Variants in PABIR3 observed in about 807,000 individuals in gnomAD.
PABIR3 encodes the protein PABIR family member 3, also known as PABIR family member 1.
A neutral mutation model predicts 23.1 loss-of-function variants in PABIR3; 20 were observed. That is an observed-to-expected ratio of 0.86 (90% CI 0.61 to 1.26). The LOEUF (loss-of-function observed/expected upper bound fraction) is 1.26, where lower values mean the gene tolerates loss of function less well. Among genes scored for constraint, PABIR3 ranks in the 50% most tolerant of loss-of-function variants. PABIR3 has a pLI of 0.00. For missense variants in PABIR3, 189 were observed against 195.4 expected (o/e 0.97, Z 0.20); for synonymous variants, 69 against 68.5 (o/e 1.01, Z -0.04).
At chrX:134,822,446 C>A (rs2081333955) in intron 3 of PABIR3, 23 of 749,203 alleles carry the variant, frequency 3.1e-5, no homozygotes, top group Non-Finnish European at 3.5e-5. Context: ...ATTCTTGTAG[C>A]TTATGATTCT....
chrX:134,829,390 AT>A, intron 4 of PABIR3, 108 bp downstream of exon 4: 1 of 623,600 alleles, frequency 1.6e-6, no homozygotes, highest in Non-Finnish European at 2.4e-6. Flanking sequence ...CACGTGTAAT[AT>A]TAAGTTTTTA....
chrX:134,840,191 A>G (rs1343627151), intron 4 of PABIR3, among the ~76,000 whole-genome samples: 1 of 110,774 alleles, frequency 9.0e-6, no homozygotes, highest in Non-Finnish European at 1.9e-5. Context: ...ACCACTCCCT[A>G]TTCTCAAGTA....
rs182492389 is a variant in PABIR3, at chrX:134,846,173, A to G, written c.345+772A>G. Among the ~76,000 whole-genome samples the G allele has an allele frequency of 2.7e-5, 3 of 111,439 alleles. No individual in the cohort carries two copies. In the Admixed American group the frequency reaches 2.9e-4, roughly 11 times the overall value. On this transcript the variant is annotated intron_variant, in intron 6 of 10. Transcript: ENST00000645433. Reference sequence around the variant, plus strand: ...AGCAGGGGAAATTCCAGATGCTTATAAAGCCGTCAAATCTCGTGAGAACTC... The same window carrying G: ...AGCAGGGGAAATTCCAGATGCTTATGAAGCCGTCAAATCTCGTGAGAACTC...
In PABIR3 at chrX:134,839,799, G is replaced by A. The variant is rs1301992717; in HGVS notation, c.247-5406G>A. 5.7e-5 allele frequency among the ~76,000 whole-genome samples: 6 copies of A among 105,243 alleles called. No homozygotes were observed. In the South Asian group the frequency reaches 1.7e-3, roughly 30 times the overall value. The allele number at this position is 105,243 out of a possible 115,157, so 91.4% of individuals were successfully genotyped here. ...CGGGAGGTGAGGGGCGCCTCTGCCC[G>A]GCCGCCCCTACTGGGAAGTGAGGAG... On this transcript the variant is annotated intron_variant, in intron 4 of 10. Coordinates refer to ENST00000645433, the MANE Select transcript of PABIR3 (RefSeq NM_001388447.1).
intron 4 of PABIR3, among the ~76,000 whole-genome samples, chrX:134,843,918 C>CTTTTTTT (rs1196514400): frequency 2.1e-4 from 14 of 66,029 alleles, no homozygotes; most frequent in African/African-American, 4.1e-4. Flanking sequence ...TATGCATGTT[C>CTTTTTTT]TTTTTTTTTT....
chrX:134,828,045 CTCTATATATA>C (rs2081592102), intron 3 of PABIR3, among the ~76,000 whole-genome samples: 1 of 59,262 alleles, frequency 1.7e-5, no homozygotes, highest in African/African-American at 6.5e-5. Context: ...CTCTCTCTCT[CTCTATATATA>C]TATATATATA....
chrX:134,821,244 TAAAAAAAA>T (rs34486506), intron 3 of PABIR3: 23 of 568,636 alleles, frequency 4.0e-5, no homozygotes, highest in Non-Finnish European at 5.4e-5. Context: ...CCAAGCATTG[TAAAAAAAA>T]AAAAAAAAAA....
chrX:134,851,761 A>G (rs1250245810), intron 9 of PABIR3, among the ~76,000 whole-genome samples: 2 of 111,825 alleles, frequency 1.8e-5, no homozygotes, highest in Non-Finnish European at 3.8e-5. Context: ...TAATCTGGCA[A>G]GGCACGGGAC....
At position 134,807,253 on chromosome X, in the gene PABIR3, C is replaced by T. The variant is rs1175296273; in HGVS notation, c.-148C>T. ...GTAGTTTTTGTTTTGGCCGGAAAGGCTTACCATGAGTTGCCAGGGCTGAGA... is the reference window on the plus strand; with the variant it reads ...GTAGTTTTTGTTTTGGCCGGAAAGGTTTACCATGAGTTGCCAGGGCTGAGA... On this transcript the variant is annotated 5_prime_UTR_variant, in exon 1 of 11. Coordinates refer to ENST00000645433, the MANE Select transcript of PABIR3 (RefSeq NM_001388447.1). The T allele has an allele frequency of 2.5e-5, 22 of 890,426 alleles. No individual in the cohort carries two copies. The highest frequency in any genetic ancestry group is 2.9e-5 in the Non-Finnish European group (21 of 726,577). 73.4% of individuals were successfully genotyped at this position (890,426 alleles called of 1,213,427 possible). A position where few individuals can be genotyped will look rare whatever the true frequency, so the allele number is the denominator to read the frequency against.
intron 2 of PABIR3, 148 bp downstream of exon 2, chrX:134,807,856 C>G (rs1464208381): frequency 1.6e-6 from 1 of 606,594 alleles, no homozygotes; most frequent in Non-Finnish European, 2.4e-6. Context: ...CACCCTCAAC[C>G]TTGGGTGGGG....
At chrX:134,850,111 G>C (rs942276624) in intron 9 of PABIR3, among the ~76,000 whole-genome samples, 1 of 108,909 alleles carries the variant, frequency 9.2e-6, no homozygotes, top group Non-Finnish European at 1.9e-5. Flanking sequence ...CTGACCTCAG[G>C]TGATCCACCC....
chrX:134,834,049 G>C (rs1228237566), intron 4 of PABIR3: 2 of 111,677 alleles, frequency 1.8e-5, no homozygotes, highest in Non-Finnish European at 3.8e-5. Context: ...GGGATTTCTG[G>C]GTCAAATGAT....
At chrX:134,798,426 C>T (rs761926874) in intron 1 of PABIR3, among the ~76,000 whole-genome samples, 2 of 112,257 alleles carry the variant, frequency 1.8e-5, no homozygotes, top group South Asian at 7.4e-4. Flanking sequence ...GGTCATGCTG[C>T]TGGGGCCACT....
At chrX:134,842,469 G>A (rs773498832) in intron 4 of PABIR3, among the ~76,000 whole-genome samples, 1 of 111,002 alleles carries the variant, frequency 9.0e-6, no homozygotes, top group South Asian at 3.8e-4. Flanking sequence ...TTAGCTGGGC[G>A]TGGTGGTGGG....
chrX:134,806,042 C>T (rs188923146), upstream of PABIR3, among the ~76,000 whole-genome samples: 1 of 112,221 alleles, frequency 8.9e-6, no homozygotes, highest in Non-Finnish European at 1.9e-5. Context: ...AAATTATTAG[C>T]ATGGAGTTAA....
chrX:134,814,966 G>T (rs998903567), intron 3 of PABIR3, 117 bp downstream of exon 3: 32 of 533,905 alleles, frequency 6.0e-5, no homozygotes, highest in Middle Eastern at 3.5e-4. Flanking sequence ...GATGGCCAGC[G>T]GGAGTCTCAC....
chrX:134,807,508 C>T (rs1018378176), intron 1 of PABIR3, 32 bp from the exon 2 acceptor site: 9 of 1,167,709 alleles, frequency 7.7e-6, no homozygotes, highest in African/African-American at 7.1e-5. Context: ...TCCCCTTTGC[C>T]TCTCTCCTTA....
the PABIR3 span, among the ~76,000 whole-genome samples, chrX:134,864,137 GCCT>G: frequency 9.1e-6 from 1 of 109,875 alleles, no homozygotes; most frequent in African/African-American, 3.3e-5. Context: ...TGCAACCTCT[GCCT>G]CCTCAGTTCA....
In PABIR3 at chrX:134,821,829, A is replaced by G. The variant is rs182506119; in HGVS notation, c.189+6980A>G. ...AAACTAGGCAGAGACATTTATAAAC[A>G]CAGTGTACAACCCTTTGTTTAGGAT... On this transcript the variant is annotated intron_variant, in intron 3 of 10. Coordinates refer to ENST00000645433, the MANE Select transcript of PABIR3 (RefSeq NM_001388447.1). 303 of 831,390 alleles carry G rather than the reference A, an allele frequency of 3.6e-4. 5 individuals carry two copies. In the Admixed American group the frequency reaches 0.016, roughly 44 times the overall value. The allele number at this position is 831,390 out of a possible 1,213,427, so 68.5% of individuals were successfully genotyped here.
Sources: gnomAD v4.1 joint callset for allele counts (sites outside exome capture counted in the v4.1 genomes callset) on GRCh38, gnomAD v4.1.1 for gene constraint, MANE v1.5 for transcripts, NCBI Gene and HGNC (gene_info 2026-07-23, HGNC 2026-07-21) for gene names.